Variants in ITGA8 observed in about 807,000 individuals in gnomAD.
The protein encoded by ITGA8 is integrin alpha-8.
Under a neutral mutation model 142.3 loss-of-function variants are expected in ITGA8, and 91 were observed. That is an observed-to-expected ratio of 0.64 (90% CI 0.54 to 0.76). The LOEUF (loss-of-function observed/expected upper bound fraction) is 0.76, where lower values mean the gene tolerates loss of function less well. ITGA8 is among the 30% of genes least tolerant of loss of function. The pLI, the probability that ITGA8 is intolerant of heterozygous loss-of-function variation, is 0.00. For synonymous variants in ITGA8, 505 were observed against 485.2 expected (o/e 1.04, Z -0.54); for missense variants, 1,406 against 1,327.7 (o/e 1.06, Z -0.92).
chr10:15,641,896 G>A (rs1588692904), intron 13 of ITGA8, among the ~76,000 whole-genome samples: 1 of 152,194 alleles, frequency 6.6e-6, no homozygotes, highest in Non-Finnish European at 1.5e-5. Flanking sequence ...TTGGGAGGCT[G>A]AGGTGGGCAG....
At chr10:15,618,481 A>C (rs1283815139) in intron 13 of ITGA8, among the ~76,000 whole-genome samples, 1 of 152,216 alleles carries the variant, frequency 6.6e-6, no homozygotes, top group Non-Finnish European at 1.5e-5. Context: ...CACCTTTTGC[A>C]CATGTGATGT....
Position 15,540,290 on chromosome 10 carries a change from T to C in ITGA8, c.2880+8165A>G, listed in dbSNP as rs78371975. ...TTAACCAACCTCTTTTCATCCCTGTTCCCCACCTTCCCTTCCCAGCCTCTG... is the reference window on the plus strand; with the variant it reads ...TTAACCAACCTCTTTTCATCCCTGTCCCCCACCTTCCCTTCCCAGCCTCTG... On this transcript the variant is annotated intron_variant, in intron 27 of 29. Transcript: ENST00000378076. Among the ~76,000 whole-genome samples, 991 of 152,292 alleles carry C rather than the reference T, an allele frequency of 6.5e-3. 11 individuals are homozygous for C. Among genetic ancestry groups the C allele is most frequent in the African/African-American group, 0.022 (920 of 41,562 alleles).
At chr10:15,708,198 CA>C (rs1835297080) in intron 2 of ITGA8, among the ~76,000 whole-genome samples, 11 of 152,140 alleles carry the variant, frequency 7.2e-5, no homozygotes, top group Admixed American at 5.9e-4. Flanking sequence ...GCTTTATTTT[CA>C]ACTCTCTTTT....
chr10:15,651,071 A>G (rs74740628), intron 11 of ITGA8, among the ~76,000 whole-genome samples: 1,968 of 152,288 alleles, frequency 0.013, 28 homozygotes, highest in African/African-American at 0.045. Context: ...ATCTGTTTAA[A>G]TTTGGCTCCT....
intron 2 of ITGA8, among the ~76,000 whole-genome samples, chr10:15,701,064 T>A (rs866730093): frequency 1.3e-5 from 2 of 152,226 alleles, no homozygotes; most frequent in East Asian, 3.9e-4. Context: ...CAGTGTTTGA[T>A]GAATGAATAA....
At chr10:15,552,143 C>CTT (rs57515081) in intron 26 of ITGA8, among the ~76,000 whole-genome samples, 8,100 of 146,944 alleles carry the variant, frequency 0.055, 710 homozygotes, top group African/African-American at 0.19. Flanking sequence ...ATTTTTCTTT[C>CTT]TTTTTTTTTT....
At chr10:15,632,431 T>C (rs1833700379) in intron 13 of ITGA8, among the ~76,000 whole-genome samples, 1 of 152,224 alleles carries the variant, frequency 6.6e-6, no homozygotes, top group Admixed American at 6.5e-5. Context: ...AAAATGACTA[T>C]AGCTAATCTT....
At chr10:15,565,214 G>A (rs923908047) in intron 25 of ITGA8, among the ~76,000 whole-genome samples, 5 of 152,196 alleles carry the variant, frequency 3.3e-5, no homozygotes, top group Non-Finnish European at 7.3e-5. Context: ...CCATAAGAAA[G>A]AGGAAGCATA....
chr10:15,685,894 C>T (rs1243169585), intron 3 of ITGA8, among the ~76,000 whole-genome samples: 3 of 152,082 alleles, frequency 2.0e-5, no homozygotes, highest in Non-Finnish European at 2.9e-5. Context: ...AATGAAATAA[C>T]GAGAAATCCT....
In ITGA8 at chr10:15,613,657, C is replaced by T. The variant is rs1413424118; in HGVS notation, c.1553+3G>A. ...GAGTTTGAGAAGCACCGGACTAACT[C>T]ACCAGGCAGCAGATGTCATAGAGTC... On this transcript the variant is annotated splice_donor_region_variant and intron_variant, in intron 15 of 29. Transcript: ENST00000378076. 3 of 1,592,610 alleles carry T rather than the reference C, an allele frequency of 1.9e-6. No homozygotes were observed. In the African/African-American group the frequency reaches 4.0e-5, roughly 21 times the overall value.
intron 13 of ITGA8, 91 bp from the exon 14 acceptor site, chr10:15,616,650 T>C: frequency 2.0e-6 from 2 of 1,019,220 alleles, no homozygotes; most frequent in African/African-American, 3.2e-5. Flanking sequence ...AGAATACCCC[T>C]ACATGCTGAT....
At chr10:15,655,779 A>G (rs1393149432) in intron 10 of ITGA8, among the ~76,000 whole-genome samples, 2 of 152,110 alleles carry the variant, frequency 1.3e-5, no homozygotes, top group African/African-American at 2.4e-5. Flanking sequence ...CCAATTCCAT[A>G]TGATGTTGTA....
At chr10:15,713,781 T>C (rs1461960783) in intron 2 of ITGA8, among the ~76,000 whole-genome samples, 2 of 152,164 alleles carry the variant, frequency 1.3e-5, no homozygotes, top group African/African-American at 4.8e-5. Context: ...TCTCCCGCAA[T>C]TCCAACAAAA....
intron 21 of ITGA8, among the ~76,000 whole-genome samples, chr10:15,594,546 A>G (rs567217843): frequency 6.6e-6 from 1 of 152,230 alleles, no homozygotes; most frequent in African/African-American, 2.4e-5. Context: ...GCACTTTGGG[A>G]GGCCGAGGTG....
intron 2 of ITGA8, among the ~76,000 whole-genome samples, chr10:15,700,256 T>A (rs1835136976): frequency 6.6e-6 from 1 of 152,162 alleles, no homozygotes; most frequent in Non-Finnish European, 1.5e-5. Context: ...GTTCCACCTC[T>A]GCAATAATAA....
chr10:15,554,473 A>ATCCACCCCTTGCG (rs1166158326), intron 26 of ITGA8, among the ~76,000 whole-genome samples: 1 of 72,272 alleles, frequency 1.4e-5, no homozygotes, highest in Non-Finnish European at 3.2e-5. Flanking sequence ...GGCTGCCCAG[A>ATCCACCCCTTGCG]TCCACCCCTT....
chr10:15,703,878 CAT>C (rs1177156397), intron 2 of ITGA8, among the ~76,000 whole-genome samples: 3 of 152,118 alleles, frequency 2.0e-5, no homozygotes, highest in African/African-American at 4.8e-5. Flanking sequence ...GATTCAAGCA[CAT>C]GAGTCCTTAT....
At chr10:15,597,780 G>C (rs1283230162) in intron 20 of ITGA8, among the ~76,000 whole-genome samples, 1 of 152,184 alleles carries the variant, frequency 6.6e-6, no homozygotes. Flanking sequence ...TTGAGATCAT[G>C]CAATCGACTT....
At chr10:15,683,372 A>T (rs991861884) in intron 4 of ITGA8, among the ~76,000 whole-genome samples, 1 of 150,148 alleles carries the variant, frequency 6.7e-6, no homozygotes, top group East Asian at 2.0e-4. Context: ...GGGGTATTCA[A>T]CAGAGATAAA....
Sources: allele counts gnomAD v4.1 joint callset (sites outside exome capture counted in the v4.1 genomes callset), GRCh38; gene constraint gnomAD v4.1.1; transcripts MANE v1.5; gene names NCBI Gene and HGNC (gene_info 2026-07-23, HGNC 2026-07-21).